MAGI2: variants seen among roughly 807,000 people sequenced by gnomAD.
MAGI2 encodes membrane-associated guanylate kinase, WW and PDZ domain-containing protein 2.
In MAGI2, 35 loss-of-function variants were observed where a neutral mutation model predicts 133.3. That is an observed-to-expected ratio of 0.26 (90% CI 0.20 to 0.35). The LOEUF (loss-of-function observed/expected upper bound fraction) is 0.35. MAGI2 is among the 10% of genes least tolerant of loss of function. The pLI, the probability that MAGI2 is intolerant of heterozygous loss-of-function variation, is 1.00. For synonymous variants in MAGI2, 729 were observed against 710.6 expected, an observed-to-expected ratio of 1.03 and a Z score of -0.41; for missense variants, 1,636 against 1,863.4, an observed-to-expected ratio of 0.88 and a Z score of 2.25.
intron 6 of MAGI2, among the ~76,000 whole-genome samples, chr7:78,373,999 T>C (rs988209289): frequency 3.3e-5 from 5 of 152,192 alleles, no homozygotes; most frequent in Non-Finnish European, 5.9e-5. Flanking sequence ...CAATCCACCA[T>C]TGTTGGACAC....
chr7:78,670,742 G>C (rs1051113854), intron 2 of MAGI2, among the ~76,000 whole-genome samples: 1 of 152,132 alleles, frequency 6.6e-6, no homozygotes, highest in African/African-American at 2.4e-5. Context: ...CAATGGAACA[G>C]AACAGAGCCC....
At position 79,324,641 on chromosome 7, in the gene MAGI2, AAAAT is replaced by A. The variant is rs1269888384; in HGVS notation, c.301+128375_301+128378del. Among the ~76,000 whole-genome samples the A allele has an allele frequency of 2.3e-4, 9 of 39,488 alleles. 3 individuals carry two copies. Among genetic ancestry groups the A allele is most frequent in the African/African-American group, 1.1e-3 (9 of 8,036 alleles). The allele number at this position is 39,488 out of a possible 152,430, so 25.9% of individuals were successfully genotyped here. A position where few individuals can be genotyped will look rare whatever the true frequency, so the allele number is the denominator to read the frequency against. ...TATAATATATATATTATATATATATAAAATATATATATATTATATATATATAAAA... is the reference window on the plus strand; with the variant it reads ...TATAATATATATATTATATATATATAATATATATATTATATATATATAAAA... On this transcript the variant is annotated intron_variant, in intron 1 of 21. Coordinates refer to ENST00000354212, the MANE Select transcript of MAGI2 (RefSeq NM_012301.4).
intron 6 of MAGI2, among the ~76,000 whole-genome samples, chr7:78,457,432 C>T (rs1020160187): frequency 3.9e-5 from 6 of 152,132 alleles, no homozygotes; most frequent in Admixed American, 6.5e-5. Flanking sequence ...GCTGATGGAC[C>T]TTTGAACAAG....
At chr7:78,859,020 C>T (rs552085780) in intron 2 of MAGI2, among the ~76,000 whole-genome samples, 11 of 151,636 alleles carry the variant, frequency 7.3e-5, no homozygotes, top group East Asian at 3.9e-4. Context: ...TTGATCTTTG[C>T]GGGTTTAGAG....
At chr7:78,813,924 G>C (rs1364702647) in intron 2 of MAGI2, among the ~76,000 whole-genome samples, 2 of 152,026 alleles carry the variant, frequency 1.3e-5, no homozygotes, top group African/African-American at 2.4e-5. Context: ...ACTTTATAGT[G>C]AAAAACTGTT....
intron 9 of MAGI2, among the ~76,000 whole-genome samples, chr7:78,276,170 C>T (rs1006036598): frequency 6.6e-6 from 1 of 152,162 alleles, no homozygotes; most frequent in Admixed American, 6.5e-5. Flanking sequence ...CATCAAAAGT[C>T]TGCTAGTCGA....
intron 2 of MAGI2, among the ~76,000 whole-genome samples, chr7:78,778,071 T>A (rs1826122590): frequency 6.6e-6 from 1 of 152,222 alleles, no homozygotes; most frequent in Non-Finnish European, 1.5e-5. Flanking sequence ...TCATAATGAA[T>A]CATCCCAGTT....
rs1830971097 is a variant in MAGI2, at chr7:79,227,644, T to A, written c.302-220438A>T. Among the ~76,000 whole-genome samples the A allele has an allele frequency of 2.0e-5, 3 of 152,242 alleles. No homozygotes were observed. In the South Asian group the frequency reaches 6.2e-4, roughly 32 times the overall value. Reference sequence around the variant, plus strand: ...TCTCTGATACACATAGCTAATTTTATTTTTAGTGAGAGTAAACATATAGGT... The same window carrying A: ...TCTCTGATACACATAGCTAATTTTAATTTTAGTGAGAGTAAACATATAGGT... On this transcript the variant is annotated intron_variant, in intron 1 of 21. Coordinates refer to ENST00000354212, the MANE Select transcript of MAGI2 (RefSeq NM_012301.4).
At chr7:78,821,067 AG>A in intron 2 of MAGI2, among the ~76,000 whole-genome samples, 1 of 152,192 alleles carries the variant, frequency 6.6e-6, no homozygotes, top group South Asian at 2.1e-4. Context: ...CTGCAAGCAA[AG>A]ATAGTATTAG....
intron 10 of MAGI2, among the ~76,000 whole-genome samples, chr7:78,209,674 T>A (rs1384671950): frequency 6.6e-6 from 1 of 152,222 alleles, no homozygotes; most frequent in Non-Finnish European, 1.5e-5. Context: ...ATGGCCACCA[T>A]TGTAATTCAC....
chr7:79,259,096 G>A (rs1014877961), intron 1 of MAGI2, among the ~76,000 whole-genome samples: 1 of 152,134 alleles, frequency 6.6e-6, no homozygotes, highest in Non-Finnish European at 1.5e-5. Context: ...ACCAGATAGG[G>A]ACCACAGACC....
intron 13 of MAGI2, among the ~76,000 whole-genome samples, chr7:78,181,348 T>G (rs1267455519): frequency 3.3e-5 from 5 of 152,194 alleles, no homozygotes; most frequent in Non-Finnish European, 7.3e-5. Context: ...CTGAGTTGCT[T>G]TGCATGTTGT....
intron 14 of MAGI2, among the ~76,000 whole-genome samples, chr7:78,174,827 T>C (rs779453575): frequency 4.1e-4 from 63 of 152,276 alleles, no homozygotes; most frequent in Middle Eastern, 3.4e-3. Context: ...GGGCTGAAGA[T>C]TGAGGTCATC....
Position 79,304,391 on chromosome 7 carries a change from C to T in MAGI2, c.301+148629G>A, listed in dbSNP as rs117993899. ...ATAATCATGGGGTTTATGAACATTG[C>T]TCCTTATATTACAGTTTTTTCTTCC... On this transcript the variant is annotated intron_variant, in intron 1 of 21. Coordinates refer to ENST00000354212, the MANE Select transcript of MAGI2 (RefSeq NM_012301.4). 2.5e-3 allele frequency among the ~76,000 whole-genome samples: 375 copies of T among 149,498 alleles called. 1 individual carries two copies. Among genetic ancestry groups the T allele is most frequent in the Non-Finnish European group, 4.2e-3 (285 of 67,268 alleles).
chr7:78,697,738 T>A (rs1170439692), intron 2 of MAGI2, among the ~76,000 whole-genome samples: 1 of 152,138 alleles, frequency 6.6e-6, no homozygotes, highest in Non-Finnish European at 1.5e-5. Context: ...AATGAATAAT[T>A]TTGTGAGCTT....
chr7:78,563,464 GGATTAC>G (rs371949301), intron 3 of MAGI2, among the ~76,000 whole-genome samples: 1 of 152,072 alleles, frequency 6.6e-6, no homozygotes, highest in African/African-American at 2.4e-5. Context: ...ATTGATTCTA[GGATTAC>G]GAGTTTTTGG....
chr7:79,390,603 G>A (rs181735074), intron 1 of MAGI2, among the ~76,000 whole-genome samples: 1 of 152,248 alleles, frequency 6.6e-6, no homozygotes, highest in East Asian at 1.9e-4. Context: ...GTTTCGAGAG[G>A]AGGTGAAGAA....
At chr7:79,211,935 T>A (rs1413578058) in intron 1 of MAGI2, among the ~76,000 whole-genome samples, 1 of 151,958 alleles carries the variant, frequency 6.6e-6, no homozygotes, top group African/African-American at 2.4e-5. Flanking sequence ...AAACACAGCT[T>A]GTGTAATAAT....
chr7:78,970,443 T>TA (rs1270850877), intron 2 of MAGI2, among the ~76,000 whole-genome samples: 1 of 152,034 alleles, frequency 6.6e-6, no homozygotes, highest in African/African-American at 2.4e-5. Context: ...TATTTTGAAT[T>TA]AAAATAACTT....
Sources: allele counts gnomAD v4.1 joint callset (sites outside exome capture counted in the v4.1 genomes callset), GRCh38; gene constraint gnomAD v4.1.1; transcripts MANE v1.5; gene names NCBI Gene and HGNC (gene_info 2026-07-23, HGNC 2026-07-21).